Variants in MEGF11 observed in about 807,000 individuals in gnomAD.
The protein encoded by MEGF11 is multiple EGF like domains 11, also known as multiple epidermal growth factor-like domains protein 11.
MEGF11 carries 126 observed loss-of-function variants against 146.6 expected under a neutral mutation model. The observed-to-expected ratio is 0.86, with a 90% CI of 0.74 to 1.00. The LOEUF (loss-of-function observed/expected upper bound fraction) is 1.00, where lower values mean the gene tolerates loss of function less well. MEGF11 is among the 50% of genes least tolerant of loss of function. The pLI is 0.00. For missense variants in MEGF11, 1,509 were observed against 1,521.2 expected, an observed-to-expected ratio of 0.99 and a Z score of 0.13; for synonymous variants, 532 against 583.4, an observed-to-expected ratio of 0.91 and a Z score of 1.27.
At chr15:66,047,492 C>T (rs1435168855) in intron 5 of MEGF11, among the ~76,000 whole-genome samples, 1 of 152,190 alleles carries the variant, frequency 6.6e-6, no homozygotes. Flanking sequence ...TGAGCACACA[C>T]CTACAGCACT....
rs11302321 is a variant in MEGF11, at chr15:66,010,161, TAAA to T, written c.395-27676_395-27674del. 1.1e-3 allele frequency among the ~76,000 whole-genome samples: 133 copies of T among 126,114 alleles called. 1 individual carries two copies. The highest frequency in any genetic ancestry group is 2.8e-3 in the African/African-American group (94 of 33,314). The allele number at this position is 126,114 out of a possible 152,430, so 82.7% of individuals were successfully genotyped here. ...AACACACTAATAACAGCTGATTAGC[TAAA>T]AAAAAAAAAAAAAAGTGCAAAAAAA... On this transcript the variant is annotated intron_variant, in intron 5 of 25. Coordinates refer to ENST00000395614, the MANE Select transcript of MEGF11 (RefSeq NM_001385028.1).
chr15:65,914,751 C>T (rs74023606), intron 19 of MEGF11, among the ~76,000 whole-genome samples: 51 of 152,294 alleles, frequency 3.3e-4, no homozygotes, highest in African/African-American at 1.1e-3. Context: ...CAGAATGCAA[C>T]GGAAATCTGT....
At chr15:66,160,326 G>A (rs925320346) in intron 1 of MEGF11, among the ~76,000 whole-genome samples, 1 of 150,446 alleles carries the variant, frequency 6.6e-6, no homozygotes, top group Non-Finnish European at 1.5e-5. Flanking sequence ...GGGTGCAGCA[G>A]CCACCTTGTG....
intron 1 of MEGF11, among the ~76,000 whole-genome samples, chr15:66,133,160 G>T (rs531916079): frequency 2.0e-4 from 30 of 152,190 alleles, no homozygotes; most frequent in Non-Finnish European, 3.4e-4. Flanking sequence ...CAATCTGGTG[G>T]CATCAGATAC....
At chr15:66,143,885 C>T (rs1056248254) in intron 1 of MEGF11, among the ~76,000 whole-genome samples, 1 of 152,118 alleles carries the variant, frequency 6.6e-6, no homozygotes, top group Non-Finnish European at 1.5e-5. Flanking sequence ...CGAGGTGGGA[C>T]TCAGGAGGGT....
rs2078357394 is a variant in MEGF11, at chr15:65,896,270, T to C, written c.*1664A>G. The C allele has an allele frequency of 6.5e-6, 1 of 152,680 alleles. No homozygotes were observed. The highest frequency in any genetic ancestry group is 2.1e-4 in the South Asian group (1 of 4,832). The allele number at this position is 152,680 out of a possible 1,614,324, so 9.5% of individuals were successfully genotyped here. On this transcript the variant is annotated 3_prime_UTR_variant, in exon 26 of 26. Transcript: ENST00000395614. The stretch of plus-strand genomic sequence containing the variant: ...CTCCCATGCACACATGCAACATTCA[T>C]GTAAGTATTACATATTTTCCTCTAA...
At chr15:66,009,252 T>G (rs1392635880) in intron 5 of MEGF11, among the ~76,000 whole-genome samples, 2 of 151,898 alleles carry the variant, frequency 1.3e-5, no homozygotes, top group East Asian at 3.9e-4. Flanking sequence ...TTTTTTTTTT[T>G]TTTTTTTTTT....
chr15:66,187,264 T>G (rs2090733872), intron 1 of MEGF11, among the ~76,000 whole-genome samples: 1 of 152,232 alleles, frequency 6.6e-6, no homozygotes, highest in Non-Finnish European at 1.5e-5. Context: ...CAAGCACTTC[T>G]CTGTCTTCAC....
intron 5 of MEGF11, among the ~76,000 whole-genome samples, chr15:66,041,710 T>C (rs960071380): frequency 6.6e-6 from 1 of 152,214 alleles, no homozygotes; most frequent in African/African-American, 2.4e-5. Flanking sequence ...CCTAAAATAT[T>C]TACTATCTGG....
chr15:66,006,444 C>T (rs898666748), intron 5 of MEGF11, among the ~76,000 whole-genome samples: 1 of 152,230 alleles, frequency 6.6e-6, no homozygotes, highest in Non-Finnish European at 1.5e-5. Context: ...CAGGGCCAAG[C>T]ATCAAGGTCT....
Position 65,999,827 on chromosome 15 carries a change from G to C in MEGF11, c.395-17339C>G, listed in dbSNP as rs545417901. On this transcript the variant is annotated intron_variant, in intron 5 of 25. Transcript: ENST00000395614. ...ATGCTATGTGCAAGTAAATTAATTA[G>C]GTAGCAGAATTACTGTCAGGATTGA... Among the ~76,000 whole-genome samples, 18 of 152,352 alleles carry C rather than the reference G, an allele frequency of 1.2e-4. 1 individual carries two copies. Among genetic ancestry groups the C allele is most frequent in the Non-Finnish European group, 2.2e-4 (15 of 68,038 alleles).
intron 5 of MEGF11, among the ~76,000 whole-genome samples, chr15:66,057,521 A>G (rs1009899258): frequency 6.6e-6 from 1 of 152,080 alleles, no homozygotes; most frequent in African/African-American, 2.4e-5. Context: ...TATTGTTGAT[A>G]TCAGGTAGAG....
At chr15:66,149,977 T>C (rs916032504) in intron 1 of MEGF11, among the ~76,000 whole-genome samples, 4 of 152,258 alleles carry the variant, frequency 2.6e-5, no homozygotes, top group African/African-American at 4.8e-5. Flanking sequence ...CTGGAAGCAG[T>C]GCCTGCTGGA....
chr15:66,068,666 G>A (rs1567226307), intron 5 of MEGF11, among the ~76,000 whole-genome samples: 1 of 152,158 alleles, frequency 6.6e-6, no homozygotes, highest in Non-Finnish European at 1.5e-5. Context: ...CACTGTCCAA[G>A]CCTCTTCCAT....
chr15:66,137,138 G>A (rs900597175), intron 1 of MEGF11, among the ~76,000 whole-genome samples: 1 of 152,136 alleles, frequency 6.6e-6, no homozygotes, highest in Non-Finnish European at 1.5e-5. Flanking sequence ...AAACTATTAT[G>A]CAATCATTAA....
chr15:66,213,674 C>T (rs1348153965), intron 1 of MEGF11, among the ~76,000 whole-genome samples: 1 of 151,868 alleles, frequency 6.6e-6, no homozygotes, highest in African/African-American at 2.4e-5. Context: ...GCCTCAGCAT[C>T]CCAAAGCACT....
At chr15:65,961,144 T>A (rs1469518097) in intron 9 of MEGF11, among the ~76,000 whole-genome samples, 1 of 152,174 alleles carries the variant, frequency 6.6e-6, no homozygotes, top group Non-Finnish European at 1.5e-5. Context: ...CAGAGTGACT[T>A]GCACAGCCCC....
intron 1 of MEGF11, among the ~76,000 whole-genome samples, chr15:66,201,765 T>C (rs6494557): frequency 1 from 140,103 of 140,128 alleles, 70,039 homozygotes; most frequent in Middle Eastern, 1. Flanking sequence ...GAAACCCTGT[T>C]TACTAAAAAT....
intron 5 of MEGF11, among the ~76,000 whole-genome samples, chr15:65,996,765 C>T (rs1477397102): frequency 1.3e-5 from 2 of 152,188 alleles, no homozygotes; most frequent in Non-Finnish European, 2.9e-5. Flanking sequence ...GGATTACAGG[C>T]GTGAGGCACC....
Sources: gnomAD v4.1 joint callset for allele counts (sites outside exome capture counted in the v4.1 genomes callset) on GRCh38, gnomAD v4.1.1 for gene constraint, MANE v1.5 for transcripts, NCBI Gene and HGNC (gene_info 2026-07-23, HGNC 2026-07-21) for gene names.